BNC2: variants seen among roughly 807,000 people sequenced by gnomAD.
BNC2 encodes basonuclin zinc finger protein 2, also known as zinc finger protein basonuclin-2.
BNC2 carries 20 observed loss-of-function variants against 76.3 expected under a neutral mutation model. The observed-to-expected ratio is 0.26, with a 90% CI of 0.18 to 0.38. The LOEUF (loss-of-function observed/expected upper bound fraction) is 0.38. BNC2 is among the 10% of genes least tolerant of loss of function. The pLI, the probability that BNC2 is intolerant of heterozygous loss-of-function variation, is 1.00. For synonymous variants in BNC2, 582 were observed against 514.8 expected (o/e 1.13, Z -1.77); for missense variants, 1,382 against 1,399.8 (o/e 0.99, Z 0.20).
Position 16,436,569 on chromosome 9 carries a change from G to A in BNC2, c.1625C>T (p.Thr542Ile), listed in dbSNP as rs1026119758. The change falls in exon 6 of 7, where the codon ACC (threonine) becomes ATC (isoleucine). Residue 542 changes from threonine (T) to isoleucine (I), a missense_variant. Thr to Ile is a moderately conservative substitution (Grantham distance 89). Around this residue, in one of 3 missense-constraint regions of BNC2, gnomAD observed 798 missense variants for 775.5 expected, o/e 1.03. Transcript: ENST00000380672. ...TSPGRPPMGFTTPPLDPVLQN... is the reference protein window; with the variant it reads ...TSPGRPPMGFITPPLDPVLQN... Reference sequence around the variant, plus strand: ...CAAGACAGGGTCTAGAGGGGGAGTGGTAAAACCCATTGGGGGTCGGCCAGG... The same window carrying A: ...CAAGACAGGGTCTAGAGGGGGAGTGATAAAACCCATTGGGGGTCGGCCAGG... 4 of 1,613,934 alleles carry A rather than the reference G, an allele frequency of 2.5e-6. No homozygotes were observed. The African/African-American group carries it at 5.3e-5, about 22-fold the overall frequency.
chr9:16,625,988 C>G (rs1820983192), intron 3 of BNC2: 4 of 152,194 alleles, frequency 2.6e-5, no homozygotes, highest in Admixed American at 1.3e-4. Flanking sequence ...TTGGTCCAAG[C>G]TGTGTGGAGC....
chr9:16,486,413 GAATT>G (rs1231036320), intron 5 of BNC2, among the ~76,000 whole-genome samples: 1 of 152,156 alleles, frequency 6.6e-6, no homozygotes, highest in African/African-American at 2.4e-5. Context: ...GGGGCAGGAA[GAATT>G]AATACTGAAG....
intron 1 of BNC2, among the ~76,000 whole-genome samples, chr9:16,757,621 C>A (rs1226079668): frequency 6.8e-6 from 1 of 146,462 alleles, no homozygotes; most frequent in African/African-American, 2.5e-5. Context: ...TTAACAATAG[C>A]TAATGAAAAT....
At chr9:16,723,933 TCAGA>T (rs1824240922) in intron 3 of BNC2, among the ~76,000 whole-genome samples, 1 of 152,116 alleles carries the variant, frequency 6.6e-6, no homozygotes, top group South Asian at 2.1e-4. Context: ...TAAGAGAATG[TCAGA>T]CAGTTGTTCT....
At chr9:16,599,848 T>C (rs1356578904) in intron 3 of BNC2, among the ~76,000 whole-genome samples, 1 of 152,228 alleles carries the variant, frequency 6.6e-6, no homozygotes, top group South Asian at 2.1e-4. Flanking sequence ...ATTGATAAAT[T>C]GATAACAGCG....
intron 5 of BNC2, among the ~76,000 whole-genome samples, chr9:16,492,158 A>T (rs940174449): frequency 2.0e-5 from 3 of 152,146 alleles, no homozygotes; most frequent in Non-Finnish European, 4.4e-5. Flanking sequence ...ACCCTTAAAA[A>T]AAAAACAAAA....
chr9:16,674,017 G>A (rs902333099), intron 3 of BNC2, among the ~76,000 whole-genome samples: 2 of 152,138 alleles, frequency 1.3e-5, no homozygotes, highest in African/African-American at 4.8e-5. Flanking sequence ...TTACTCAAAC[G>A]TACAACTAGA....
chr9:16,785,409 A>G (rs1278206926), intron 1 of BNC2, among the ~76,000 whole-genome samples: 1 of 151,984 alleles, frequency 6.6e-6, no homozygotes, highest in Non-Finnish European at 1.5e-5. Flanking sequence ...TCTTTTTTTT[A>G]GTTAAGACAG....
intron 1 of BNC2, among the ~76,000 whole-genome samples, chr9:16,840,627 T>C (rs914993695): frequency 1.3e-5 from 2 of 152,190 alleles, no homozygotes; most frequent in African/African-American, 4.8e-5. Flanking sequence ...AGAACTTAGA[T>C]GGTAAGATAT....
intron 3 of BNC2, among the ~76,000 whole-genome samples, chr9:16,706,504 C>T (rs941651057): frequency 1.3e-5 from 2 of 152,284 alleles, no homozygotes; most frequent in East Asian, 1.9e-4. Context: ...AAATGAAGAA[C>T]ATCTTACTTC....
At chr9:16,520,497 T>C (rs77585689) in intron 5 of BNC2, among the ~76,000 whole-genome samples, 3,263 of 152,246 alleles carry the variant, frequency 0.021, 141 homozygotes, top group African/African-American at 0.073. Context: ...GGTAGTTGCA[T>C]GCACAGACAT....
At chr9:16,647,703 T>C (rs555071128) in intron 3 of BNC2, among the ~76,000 whole-genome samples, 2 of 152,246 alleles carry the variant, frequency 1.3e-5, no homozygotes, top group South Asian at 2.1e-4. Context: ...TCAAGTAAAA[T>C]ATAAGAGATT....
chr9:16,412,081 C>A lies in BNC2; in HGVS notation c.*6908G>T, dbSNP rs1192324777. The A allele has an allele frequency of 6.6e-6, 1 of 152,608 alleles. No homozygotes were observed. The highest frequency in any genetic ancestry group is 1.5e-5 in the Non-Finnish European group (1 of 68,034). 9.5% of individuals were successfully genotyped at this position (152,608 alleles called of 1,614,324 possible). A position where few individuals can be genotyped will look rare whatever the true frequency, so the allele number is the denominator to read the frequency against. ...TGTATTCTTCCTTTGTACCTTTGGT[C>A]CCCATCACTCGATTTTCTAAAGCTC... On this transcript the variant is annotated 3_prime_UTR_variant, in exon 7 of 7. Coordinates refer to ENST00000380672, the MANE Select transcript of BNC2 (RefSeq NM_017637.6).
intron 5 of BNC2, among the ~76,000 whole-genome samples, chr9:16,539,036 T>C (rs1195078289): frequency 6.6e-6 from 1 of 152,132 alleles, no homozygotes; most frequent in East Asian, 1.9e-4. Flanking sequence ...CCACTTGTAA[T>C]ATACCATGGT....
chr9:16,780,493 A>G (rs1457323419), intron 1 of BNC2, among the ~76,000 whole-genome samples: 1 of 151,738 alleles, frequency 6.6e-6, no homozygotes, highest in Admixed American at 6.6e-5. Context: ...AATCGCCTGA[A>G]CCCAGGAGGC....
chr9:16,803,301 A>C (rs1016147362), intron 1 of BNC2, among the ~76,000 whole-genome samples: 6 of 152,224 alleles, frequency 3.9e-5, no homozygotes, highest in African/African-American at 1.4e-4. Flanking sequence ...CCTGCTGGAA[A>C]TGTTTTAGCC....
At chr9:16,641,360 T>C (rs1049914170) in intron 3 of BNC2, among the ~76,000 whole-genome samples, 7 of 152,168 alleles carry the variant, frequency 4.6e-5, no homozygotes, top group Non-Finnish European at 1.0e-4. Flanking sequence ...ACATTTCTTC[T>C]CTCCTTCAAG....
At chr9:16,570,475 C>T (rs1819292065) in intron 4 of BNC2, among the ~76,000 whole-genome samples, 1 of 152,150 alleles carries the variant, frequency 6.6e-6, no homozygotes, top group South Asian at 2.1e-4. Flanking sequence ...TTCTTCTGGA[C>T]TGCTGGATTT....
At chr9:16,642,360 A>G (rs1821512816) in intron 3 of BNC2, among the ~76,000 whole-genome samples, 1 of 152,196 alleles carries the variant, frequency 6.6e-6, no homozygotes, top group Non-Finnish European at 1.5e-5. Flanking sequence ...AAACATCTCC[A>G]AAGTTCTTTC....
Sources: allele counts gnomAD v4.1 joint callset (sites outside exome capture counted in the v4.1 genomes callset), GRCh38; gene constraint gnomAD v4.1.1; regional missense constraint gnomAD v4.1.1; transcripts MANE v1.5; gene names NCBI Gene and HGNC (gene_info 2026-07-23, HGNC 2026-07-21).